The following CLEC2A variants were observed in gnomAD, a reference collection of about 807,000 sequenced individuals.
CLEC2A encodes C-type lectin domain family 2 member A, also known as keratinocyte-associated C-type lectin.
A neutral mutation model predicts 18.6 loss-of-function variants in CLEC2A; 19 were observed. The ratio of observed to expected loss-of-function variants is 1.02; its 90% CI spans 0.71 to 1.50. The LOEUF is 1.50. CLEC2A is among the 40% of genes most tolerant of loss of function. The pLI is 0.00. For missense variants in CLEC2A, 190 were observed against 207.9 expected, an observed-to-expected ratio of 0.91 and a Z score of 0.53; for synonymous variants, 74 against 64.0, an observed-to-expected ratio of 1.16 and a Z score of -0.75.
intron 4 of CLEC2A, among the ~76,000 whole-genome samples, chr12:9,899,536 C>T (rs1440386365): frequency 1.3e-5 from 2 of 152,170 alleles, no homozygotes; most frequent in African/African-American, 4.8e-5. Flanking sequence ...AGCAGATACC[C>T]AGGGTATGTG....
the CLEC2A span, chr12:9,888,691 T>A: frequency 2.1e-5 from 25 of 1,180,946 alleles, no homozygotes; most frequent in East Asian, 6.1e-4. Context: ...TTGCTATTGA[T>A]TTTTAAATGT....
At chr12:9,893,258 G>A in the CLEC2A span, 20 of 1,250,206 alleles carry the variant, frequency 1.6e-5, no homozygotes, top group South Asian at 1.4e-4. Flanking sequence ...GTTTATTGTC[G>A]TTGCTTCTGA....
the CLEC2A span, chr12:9,892,990 TAATTAATTTTCC>T: frequency 6.7e-7 from 1 of 1,503,234 alleles, no homozygotes; most frequent in South Asian, 1.2e-5. Flanking sequence ...CTGTAAAGTT[TAATTAATTTTCC>T]CCTATGTTTT....
At chr12:9,880,377 C>T in the CLEC2A span, among the ~76,000 whole-genome samples, 1 of 152,264 alleles carries the variant, frequency 6.6e-6, no homozygotes, top group Admixed American at 6.5e-5. Flanking sequence ...TCACAAGTGA[C>T]ATCCAGTGTT....
At chr12:9,926,399 T>C in intron 1 of CLEC2A, 56 bp from the exon 2 acceptor site, 2 of 1,025,762 alleles carry the variant, frequency 1.9e-6, no homozygotes, top group East Asian at 5.2e-5. Context: ...TGACTCGATA[T>C]TATTACTGGT....
chr12:9,926,322 C>T lies in CLEC2A; in HGVS notation c.77G>A (p.Trp26Ter). 6.5e-7 allele frequency: 1 copy of T among 1,549,114 alleles called. No individual in the cohort carries two copies. Among genetic ancestry groups the T allele is most frequent in the South Asian group, 1.2e-5 (1 of 84,006 alleles). ...HRIVPKLIQN[W>*]KIGLMCFLSI... ...CAGGAAGCACATAAGGCCAATCTTC[C>T]AGTTTTGTATCAACTTGGGAACTGC... Residue 26 changes from tryptophan to a stop codon, truncating the protein, a stop_gained, in exon 2 of 5, where the codon TGG (tryptophan) becomes TAG (stop). Coordinates refer to ENST00000455827, the MANE Select transcript of CLEC2A (RefSeq NM_001130711.2). LOFTEE classifies it high-confidence loss of function.
chr12:9,929,451 AGTTTCTT>A (rs899767776), intron 1 of CLEC2A, among the ~76,000 whole-genome samples: 1 of 152,140 alleles, frequency 6.6e-6, no homozygotes. Flanking sequence ...TTCTATTCCT[AGTTTCTT>A]AACAGGGACT....
At chr12:9,915,976 CT>C (rs147911207) in intron 4 of CLEC2A, among the ~76,000 whole-genome samples, 62,835 of 151,392 alleles carry the variant, frequency 0.42, 14,037 homozygotes, top group Non-Finnish European at 0.51. Flanking sequence ...TTATTGGTTG[CT>C]TTTTTTAATC....
chr12:9,887,236 C>T, the CLEC2A span, among the ~76,000 whole-genome samples: 6 of 151,794 alleles, frequency 4.0e-5, no homozygotes, highest in African/African-American at 1.2e-4. Flanking sequence ...CCACTAAGTT[C>T]GGAACAGAAT....
At chr12:9,877,847 G>T in the CLEC2A span, among the ~76,000 whole-genome samples, 1 of 152,184 alleles carries the variant, frequency 6.6e-6, no homozygotes, top group East Asian at 1.9e-4. Flanking sequence ...ATCAATATAC[G>T]AATGAATATA....
intron 4 of CLEC2A, among the ~76,000 whole-genome samples, chr12:9,916,401 A>C (rs2137037083): frequency 6.6e-6 from 1 of 152,268 alleles, no homozygotes; most frequent in South Asian, 2.1e-4. Context: ...AGAATGATTA[A>C]ATTTGAATTA....
chr12:9,881,986 T>C, the CLEC2A span, among the ~76,000 whole-genome samples: 1 of 152,000 alleles, frequency 6.6e-6, no homozygotes, highest in Non-Finnish European at 1.5e-5. Context: ...AAAGTTTATA[T>C]AAACTTAAAG....
intron 1 of CLEC2A, among the ~76,000 whole-genome samples, chr12:9,931,694 C>T (rs749987327): frequency 2.0e-5 from 3 of 152,180 alleles, no homozygotes; most frequent in Non-Finnish European, 2.9e-5. Context: ...TCTTCACTGT[C>T]TTTATCTTAA....
chr12:9,886,705 T>C, the CLEC2A span, among the ~76,000 whole-genome samples: 2 of 151,490 alleles, frequency 1.3e-5, no homozygotes, highest in Admixed American at 6.6e-5. Flanking sequence ...CTCTTTTTGA[T>C]TGGTGTCTTG....
Position 9,922,233 on chromosome 12 carries a change from C to A in CLEC2A, c.140-1G>T. On this transcript the variant is annotated splice_acceptor_variant, in intron 2 of 4. Transcript: ENST00000455827. LOFTEE classifies it high-confidence loss of function. ...GGTTTAGCATGCTTGGACCATGTGG[C>A]TGAAAAAAAAAGAAAGAAATGATCA... 1.3e-6 allele frequency: 2 copies of A among 1,502,282 alleles called. No individual in the cohort carries two copies. The highest frequency in any genetic ancestry group is 2.4e-5 in the Admixed American group (1 of 42,446). 93.1% of individuals were successfully genotyped at this position (1,502,282 alleles called of 1,614,324 possible). A position where few individuals can be genotyped will look rare whatever the true frequency, so the allele number is the denominator to read the frequency against.
At chr12:9,910,227 C>T (rs1453219882), downstream of CLEC2A, among the ~76,000 whole-genome samples, 1 of 152,136 alleles carries the variant, frequency 6.6e-6, no homozygotes, top group Non-Finnish European at 1.5e-5. Context: ...CTTTTATTAT[C>T]TTACCAATAT....
At chr12:9,909,169 T>C (rs1020485617), downstream of CLEC2A, among the ~76,000 whole-genome samples, 2 of 152,200 alleles carry the variant, frequency 1.3e-5, no homozygotes, top group Non-Finnish European at 2.9e-5. Flanking sequence ...TGTTTAAGAA[T>C]TCTATAGGCT....
intron 4 of CLEC2A, among the ~76,000 whole-genome samples, chr12:9,907,612 G>A (rs1055554428): frequency 3.3e-5 from 5 of 152,182 alleles, no homozygotes; most frequent in African/African-American, 1.2e-4. Flanking sequence ...AAGAAGGTGT[G>A]TAGAGAAGGC....
the CLEC2A span, among the ~76,000 whole-genome samples, chr12:9,889,764 G>T: frequency 6.6e-6 from 1 of 151,850 alleles, no homozygotes; most frequent in Non-Finnish European, 1.5e-5. Context: ...CAGTGTGGAG[G>T]CAGTATAGTG....
Sources: gnomAD v4.1 joint callset for allele counts (sites outside exome capture counted in the v4.1 genomes callset) on GRCh38, gnomAD v4.1.1 for gene constraint, MANE v1.5 for transcripts, NCBI Gene and HGNC (gene_info 2026-07-23, HGNC 2026-07-21) for gene names.